The following ERC2 variants were observed in gnomAD, a reference collection of about 807,000 sequenced individuals.
ERC2 encodes the protein ERC protein 2.
A neutral mutation model predicts 114.8 loss-of-function variants in ERC2; 42 were observed. The ratio of observed to expected loss-of-function variants is 0.37; its 90% confidence interval spans 0.29 to 0.47. The LOEUF (loss-of-function observed/expected upper bound fraction) is 0.47. Among genes scored for constraint, ERC2 ranks in the 20% least tolerant of loss-of-function variants. The probability of loss-of-function intolerance (pLI) is 0.99; values close to 1 mark genes in which losing one functional copy is unlikely to be tolerated. For missense variants in ERC2, 939 were observed against 1,150.7 expected, an observed-to-expected ratio of 0.82 and a Z score of 2.66; for synonymous variants, 454 against 425.5, an observed-to-expected ratio of 1.07 and a Z score of -0.82.
intron 2 of ERC2, among the ~76,000 whole-genome samples, chr3:56,431,920 C>T (rs531964419): frequency 1.3e-5 from 2 of 152,154 alleles, no homozygotes; most frequent in African/African-American, 4.8e-5. Flanking sequence ...CACAGTAAGA[C>T]CAGAACAAGG....
chr3:56,164,414 C>T (rs2082216047), intron 4 of ERC2, among the ~76,000 whole-genome samples: 1 of 151,956 alleles, frequency 6.6e-6, no homozygotes, highest in African/African-American at 2.4e-5. Context: ...ATGTTGTAGC[C>T]TATATCAGTA....
intron 2 of ERC2, among the ~76,000 whole-genome samples, chr3:56,389,369 G>C (rs1290166396): frequency 6.6e-6 from 1 of 152,144 alleles, no homozygotes; most frequent in Non-Finnish European, 1.5e-5. Context: ...AACCACAAGA[G>C]TCAGTGTCAC....
intron 3 of ERC2, among the ~76,000 whole-genome samples, chr3:56,290,169 T>C (rs1170302049): frequency 1.3e-5 from 2 of 152,236 alleles, no homozygotes; most frequent in Non-Finnish European, 2.9e-5. Flanking sequence ...CTGCAAAGTT[T>C]CTTCTCTACT....
chr3:56,301,812 C>T (rs1472415484), intron 2 of ERC2, among the ~76,000 whole-genome samples: 1 of 152,082 alleles, frequency 6.6e-6, no homozygotes, highest in East Asian at 1.9e-4. Context: ...AATTGATAAA[C>T]TTTCTGTGCC....
At chr3:56,418,656 A>G (rs2061266100) in intron 2 of ERC2, among the ~76,000 whole-genome samples, 1 of 152,236 alleles carries the variant, frequency 6.6e-6, no homozygotes, top group African/African-American at 2.4e-5. Context: ...TCATTTAGGG[A>G]AGTACTTTAC....
chr3:56,058,218 G>A (rs1055119965), intron 7 of ERC2, among the ~76,000 whole-genome samples: 2 of 152,168 alleles, frequency 1.3e-5, no homozygotes, highest in Non-Finnish European at 1.5e-5. Context: ...AACTTTTAGG[G>A]AGACATACCC....
At chr3:56,384,928 T>A (rs2059881578) in intron 2 of ERC2, among the ~76,000 whole-genome samples, 1 of 152,172 alleles carries the variant, frequency 6.6e-6, no homozygotes, top group South Asian at 2.1e-4. Flanking sequence ...ACAACAGTTG[T>A]TGAAATGATG....
chr3:56,345,315 C>T (rs1345183392), intron 2 of ERC2, among the ~76,000 whole-genome samples: 4 of 150,040 alleles, frequency 2.7e-5, no homozygotes, highest in Non-Finnish European at 6.0e-5. Context: ...GCCCTGGAGA[C>T]ACAACACTAA....
chr3:55,953,049 CA>C (rs1448228162), intron 12 of ERC2, among the ~76,000 whole-genome samples: 1 of 151,682 alleles, frequency 6.6e-6, no homozygotes, highest in African/African-American at 2.4e-5. Context: ...AACAAACAAA[CA>C]AAAAAATAGC....
intron 7 of ERC2, among the ~76,000 whole-genome samples, chr3:56,032,959 C>CAGAA (rs1224864548): frequency 0.079 from 3,003 of 37,994 alleles, 283 homozygotes; most frequent in East Asian, 0.25. Flanking sequence ...AAGAAAGAAA[C>CAGAA]AGAAAGAAAG....
intron 12 of ERC2, among the ~76,000 whole-genome samples, chr3:55,972,334 T>A (rs960581313): frequency 1.3e-5 from 2 of 152,198 alleles, no homozygotes; most frequent in Admixed American, 6.5e-5. Flanking sequence ...CAGGTATACA[T>A]GTGCCATGGT....
At chr3:55,896,447 C>T (rs2063846230) in intron 13 of ERC2, among the ~76,000 whole-genome samples, 1 of 152,146 alleles carries the variant, frequency 6.6e-6, no homozygotes, top group Non-Finnish European at 1.5e-5. Context: ...AATTAAGAGA[C>T]AATAAAAGCT....
At chr3:56,010,081 C>G (rs1393057877) in intron 9 of ERC2, among the ~76,000 whole-genome samples, 2 of 152,058 alleles carry the variant, frequency 1.3e-5, no homozygotes, top group African/African-American at 4.8e-5. Context: ...TAGCAGACAC[C>G]CAATAAAGTA....
chr3:55,966,399 T>C (rs1199728281), intron 12 of ERC2, among the ~76,000 whole-genome samples: 1 of 152,140 alleles, frequency 6.6e-6, no homozygotes, highest in Non-Finnish European at 1.5e-5. Context: ...TTAGGAATGT[T>C]ACCCTATCTA....
At chr3:55,629,575 C>T (rs1472998449) in intron 17 of ERC2, among the ~76,000 whole-genome samples, 1 of 152,162 alleles carries the variant, frequency 6.6e-6, no homozygotes, top group Non-Finnish European at 1.5e-5. Flanking sequence ...TGCATAATTA[C>T]CTGTATACTC....
intron 14 of ERC2, among the ~76,000 whole-genome samples, chr3:55,834,013 AG>A (rs1305205176): frequency 6.6e-6 from 1 of 151,200 alleles, no homozygotes; most frequent in Non-Finnish European, 1.5e-5. Flanking sequence ...GAGACAAAGA[AG>A]GCCATTACAT....
At chr3:56,305,544 A>G (rs2056167378) in intron 2 of ERC2, among the ~76,000 whole-genome samples, 1 of 151,824 alleles carries the variant, frequency 6.6e-6, no homozygotes, top group East Asian at 1.9e-4. Flanking sequence ...ACACACACAC[A>G]CACACACACA....
At chr3:55,686,943 C>A (rs903735120) in intron 16 of ERC2, among the ~76,000 whole-genome samples, 4 of 152,064 alleles carry the variant, frequency 2.6e-5, no homozygotes, top group African/African-American at 9.7e-5. Context: ...GACCGAAGCC[C>A]AGAGAGCACA....
chr3:56,202,785 G>A (rs898700172), intron 3 of ERC2, among the ~76,000 whole-genome samples: 3 of 152,130 alleles, frequency 2.0e-5, no homozygotes, highest in African/African-American at 7.2e-5. Flanking sequence ...TCAGTTATAA[G>A]ATGAATAAGT....
Sources: gnomAD v4.1 joint callset for allele counts (sites outside exome capture counted in the v4.1 genomes callset) on GRCh38, gnomAD v4.1.1 for gene constraint, MANE v1.5 for transcripts, NCBI Gene and HGNC (gene_info 2026-07-23, HGNC 2026-07-21) for gene names.